Variants in TOP6BL observed in about 807,000 individuals in gnomAD.
The protein encoded by TOP6BL is TOP6B like initiator of meiotic double strand breaks.
chr11:66,841,362 C>T, the TOP6BL span, among the ~76,000 whole-genome samples: 9 of 152,032 alleles, frequency 5.9e-5, no homozygotes, highest in South Asian at 2.1e-4. Flanking sequence ...GTGATCTGCC[C>T]GCCTCGGCCC....
the TOP6BL span, among the ~76,000 whole-genome samples, chr11:66,772,304 A>G: frequency 1.3e-5 from 2 of 152,206 alleles, no homozygotes; most frequent in African/African-American, 2.4e-5. Flanking sequence ...CCCCATATCT[A>G]CAAAACATTT....
chr11:66,828,832 T>C, the TOP6BL span: 1 of 158,506 alleles, frequency 6.3e-6, no homozygotes, highest in African/African-American at 2.4e-5. Flanking sequence ...CCTGCTAGGA[T>C]CTCCGTTCAC....
At chr11:66,840,637 A>T in the TOP6BL span, among the ~76,000 whole-genome samples, 1 of 151,690 alleles carries the variant, frequency 6.6e-6, no homozygotes, top group South Asian at 2.1e-4. Context: ...TCTTCCTCTC[A>T]TTCTCTCCCT....
At chr11:66,784,325 A>G in the TOP6BL span, among the ~76,000 whole-genome samples, 5 of 151,152 alleles carry the variant, frequency 3.3e-5, no homozygotes, top group South Asian at 4.2e-4. Flanking sequence ...GAGCCACTGC[A>G]CCCTGCCATT....
chr11:66,783,088 G>A, the TOP6BL span, among the ~76,000 whole-genome samples: 1 of 152,188 alleles, frequency 6.6e-6, no homozygotes, highest in South Asian at 2.1e-4. Context: ...GCTCATGCCT[G>A]TAATCCCAGC....
the TOP6BL span, among the ~76,000 whole-genome samples, chr11:66,764,084 T>G: frequency 1.3e-5 from 2 of 152,164 alleles, no homozygotes; most frequent in Non-Finnish European, 2.9e-5. Flanking sequence ...ATACCCCTAG[T>G]GAAGATACCT....
chr11:66,833,753 G>T, the TOP6BL span, among the ~76,000 whole-genome samples: 2 of 152,104 alleles, frequency 1.3e-5, no homozygotes, highest in African/African-American at 4.8e-5. Context: ...TTTGAAACCT[G>T]CCTGGCAAAC....
the TOP6BL span, among the ~76,000 whole-genome samples, chr11:66,796,969 A>G: frequency 1.3e-5 from 2 of 151,198 alleles, no homozygotes; most frequent in East Asian, 3.9e-4. Flanking sequence ...CTGGGATTAC[A>G]GGTGTGAGGC....
At chr11:66,805,047 AAC>A in the TOP6BL span, among the ~76,000 whole-genome samples, 1 of 151,802 alleles carries the variant, frequency 6.6e-6, no homozygotes, top group Admixed American at 6.6e-5. Flanking sequence ...CAGCGTGGGC[AAC>A]AGAGTGAGAT....
the TOP6BL span, among the ~76,000 whole-genome samples, chr11:66,749,111 G>C: frequency 6.6e-6 from 1 of 151,996 alleles, no homozygotes; most frequent in South Asian, 2.1e-4. Context: ...GATTGAAGTT[G>C]CCCCTTCAGG....
chr11:66,833,384 C>T, the TOP6BL span, among the ~76,000 whole-genome samples: 2 of 152,058 alleles, frequency 1.3e-5, no homozygotes, highest in Non-Finnish European at 2.9e-5. Flanking sequence ...GTCTTGCGAT[C>T]TGGAATTACA....
chr11:66,749,222 G>T, the TOP6BL span, among the ~76,000 whole-genome samples: 3 of 152,132 alleles, frequency 2.0e-5, no homozygotes, highest in African/African-American at 7.2e-5. Flanking sequence ...TTGTCTTTGT[G>T]TATTAATATT....
chr11:66,762,094 T>C, the TOP6BL span: 2 of 1,134,674 alleles, frequency 1.8e-6, no homozygotes, highest in South Asian at 2.5e-5. Context: ...GCTCCCAAAC[T>C]CCAGACATCT....
the TOP6BL span, chr11:66,822,685 G>T: frequency 6.6e-7 from 1 of 1,511,944 alleles, no homozygotes; most frequent in Non-Finnish European, 9.0e-7. Context: ...GTTAGTAGGA[G>T]ATTGGGATTG....
the TOP6BL span, among the ~76,000 whole-genome samples, chr11:66,842,069 C>T: frequency 6.6e-6 from 1 of 151,948 alleles, no homozygotes; most frequent in African/African-American, 2.4e-5. Context: ...TGGTGGCATG[C>T]GCCTGTGGTT....
At chr11:66,784,049 G>A in the TOP6BL span, among the ~76,000 whole-genome samples, 1,660 of 151,958 alleles carry the variant, frequency 0.011, 37 homozygotes, top group African/African-American at 0.037. Context: ...TTTTGTTTCT[G>A]AGATGGAGTC....
the TOP6BL span, among the ~76,000 whole-genome samples, chr11:66,809,594 G>C: frequency 6.6e-6 from 1 of 152,126 alleles, no homozygotes; most frequent in Non-Finnish European, 1.5e-5. Context: ...AATAATATTG[G>C]TATTTTATAT....
the TOP6BL span, among the ~76,000 whole-genome samples, chr11:66,814,212 C>CT: frequency 6.6e-6 from 1 of 152,066 alleles, no homozygotes; most frequent in Non-Finnish European, 1.5e-5. Flanking sequence ...CAGGCAAGCT[C>CT]TTTCAGAGCT....
the TOP6BL span, chr11:66,744,972 T>C: frequency 1.6e-6 from 2 of 1,238,782 alleles, no homozygotes; most frequent in Non-Finnish European, 2.0e-6. Context: ...GAGACGGGCT[T>C]TGTGAGGAGA....
Sources: allele counts gnomAD v4.1 joint callset (sites outside exome capture counted in the v4.1 genomes callset), GRCh38; gene constraint gnomAD v4.1.1; transcripts MANE v1.5; gene names NCBI Gene and HGNC (gene_info 2026-07-23, HGNC 2026-07-21).